Variants in ENOX1 observed in about 807,000 individuals in gnomAD.
ENOX1 encodes the protein candidate growth-related and time keeping constitutive hydroquinone (NADH) oxidase.
ENOX1 carries 42 observed loss-of-function variants against 82.5 expected under a neutral mutation model. The ratio of observed to expected loss-of-function variants is 0.51; its 90% confidence interval spans 0.40 to 0.66. ENOX1 has a LOEUF of 0.66. Ranked by LOEUF, ENOX1 falls within the 30% of genes least tolerant of loss-of-function variation. The probability of loss-of-function intolerance (pLI) is 0.00; values close to 1 mark genes in which losing one functional copy is unlikely to be tolerated. For synonymous variants in ENOX1, 271 were observed against 282.2 expected (o/e 0.96, Z 0.40); for missense variants, 608 against 811.6 (o/e 0.75, Z 3.05).
chr13:43,607,235 G>A (rs368808912), intron 2 of ENOX1, among the ~76,000 whole-genome samples: 5 of 151,564 alleles, frequency 3.3e-5, no homozygotes, highest in East Asian at 1.9e-4. Context: ...CACTTGCTAC[G>A]TAACCACAAA....
At chr13:43,351,800 C>T (rs1323593128) in intron 8 of ENOX1, among the ~76,000 whole-genome samples, 1 of 151,364 alleles carries the variant, frequency 6.6e-6, no homozygotes, top group Non-Finnish European at 1.5e-5. Flanking sequence ...TGTATATGTG[C>T]CACATTTTCT....
intron 9 of ENOX1, among the ~76,000 whole-genome samples, chr13:43,343,798 C>T (rs1016555863): frequency 6.6e-6 from 1 of 152,010 alleles, no homozygotes; most frequent in Non-Finnish European, 1.5e-5. Flanking sequence ...AAGAGAACAT[C>T]GGCAGCTGTG....
At chr13:43,302,647 A>G (rs1321087493) in intron 11 of ENOX1, among the ~76,000 whole-genome samples, 1 of 152,198 alleles carries the variant, frequency 6.6e-6, no homozygotes, top group Non-Finnish European at 1.5e-5. Flanking sequence ...GCTTAAAGGT[A>G]TTGCGGCATC....
intron 1 of ENOX1, among the ~76,000 whole-genome samples, chr13:43,784,263 A>G (rs548957385): frequency 9.2e-5 from 14 of 152,294 alleles, no homozygotes; most frequent in African/African-American, 3.4e-4. Context: ...CTACATACAA[A>G]CCCATCTAAA....
At chr13:43,408,632 A>C (rs2053938238) in intron 5 of ENOX1, among the ~76,000 whole-genome samples, 1 of 151,976 alleles carries the variant, frequency 6.6e-6, no homozygotes, top group African/African-American at 2.4e-5. Context: ...GTGGAAAAGA[A>C]ACATAGTGCT....
At chr13:43,486,016 C>T (rs1049524873) in intron 2 of ENOX1, among the ~76,000 whole-genome samples, 5 of 152,154 alleles carry the variant, frequency 3.3e-5, no homozygotes, top group Admixed American at 3.3e-4. Flanking sequence ...GGAGGCCATC[C>T]TGGCTAACAC....
chr13:43,761,347 C>T (rs61521657), intron 1 of ENOX1, among the ~76,000 whole-genome samples: 8,024 of 152,226 alleles, frequency 0.053, 210 homozygotes, highest in African/African-American at 0.076. Context: ...AAAGAAAATA[C>T]CCTCATGTTT....
intron 9 of ENOX1, among the ~76,000 whole-genome samples, chr13:43,328,582 A>G (rs1050685944): frequency 6.6e-6 from 1 of 152,166 alleles, no homozygotes; most frequent in African/African-American, 2.4e-5. Flanking sequence ...ATCTGTTCAT[A>G]AAAACGTGTA....
intron 5 of ENOX1, among the ~76,000 whole-genome samples, chr13:43,392,224 A>AT (rs1446549214): frequency 6.6e-6 from 1 of 152,202 alleles, no homozygotes; most frequent in Non-Finnish European, 1.5e-5. Flanking sequence ...AATCATTACC[A>AT]TTTCTAATGA....
intron 2 of ENOX1, among the ~76,000 whole-genome samples, chr13:43,531,408 A>G (rs12018413): frequency 0.14 from 21,460 of 151,478 alleles, 1,719 homozygotes; most frequent in Non-Finnish European, 0.19. Flanking sequence ...GGTGATCATT[A>G]AAAAGTCAGG....
At chr13:43,356,381 T>C (rs1295743139) in intron 7 of ENOX1, among the ~76,000 whole-genome samples, 1 of 152,110 alleles carries the variant, frequency 6.6e-6, no homozygotes, top group Non-Finnish European at 1.5e-5. Context: ...GAGAGCTGTC[T>C]CAGAGGGCTG....
intron 2 of ENOX1, among the ~76,000 whole-genome samples, chr13:43,646,982 G>C (rs1365898421): frequency 1.3e-5 from 2 of 152,202 alleles, no homozygotes; most frequent in Admixed American, 6.5e-5. Context: ...CAAGGAAGCA[G>C]AAGCTTCTTA....
At chr13:43,370,658 G>A (rs1308968754) in intron 5 of ENOX1, among the ~76,000 whole-genome samples, 1 of 152,172 alleles carries the variant, frequency 6.6e-6, no homozygotes, top group African/African-American at 2.4e-5. Context: ...TTTGGGTTAA[G>A]TAACTTTAGG....
At chr13:43,512,822 C>A (rs953463611) in intron 2 of ENOX1, among the ~76,000 whole-genome samples, 4 of 152,094 alleles carry the variant, frequency 2.6e-5, no homozygotes, top group African/African-American at 9.7e-5. Context: ...GATCCTGCCT[C>A]ATGAGGTCAG....
At chr13:43,406,273 G>A (rs189662931) in intron 5 of ENOX1, among the ~76,000 whole-genome samples, 144 of 152,292 alleles carry the variant, frequency 9.5e-4, no homozygotes, top group Middle Eastern at 3.4e-3. Context: ...CTATCTTGGC[G>A]TTCCATGAGA....
At chr13:43,681,608 G>A (rs529274788) in intron 1 of ENOX1, among the ~76,000 whole-genome samples, 2 of 148,798 alleles carry the variant, frequency 1.3e-5, no homozygotes, top group African/African-American at 2.6e-5. Flanking sequence ...CTCTATGTTT[G>A]GGTATGTCTT....
intron 5 of ENOX1, among the ~76,000 whole-genome samples, chr13:43,374,198 C>CTTTA (rs2051448721): frequency 6.6e-6 from 1 of 150,660 alleles, no homozygotes; most frequent in African/African-American, 2.4e-5. Flanking sequence ...CCCTCCCTCC[C>CTTTA]TTTCTTTCCT....
In ENOX1 at chr13:43,221,006, A is replaced by C. The variant is rs571787307; in HGVS notation, c.1800+3047T>G. ...TTTGTGTTTGCAGAGGTATGCTATTAGTACAGAAGTGCGAATGATTCTCCC... is the reference window on the plus strand; with the variant it reads ...TTTGTGTTTGCAGAGGTATGCTATTCGTACAGAAGTGCGAATGATTCTCCC... On this transcript the variant is annotated intron_variant, in intron 16 of 16. Coordinates refer to ENST00000690772, the MANE Select transcript of ENOX1 (RefSeq NM_001347969.2). 2.7e-3 allele frequency among the ~76,000 whole-genome samples: 412 copies of C among 152,376 alleles called. 3 individuals are homozygous for C. Among genetic ancestry groups the C allele is most frequent in the African/African-American group, 9.4e-3 (391 of 41,586 alleles).
intron 2 of ENOX1, among the ~76,000 whole-genome samples, chr13:43,577,002 A>G (rs1254645477): frequency 6.6e-6 from 1 of 152,230 alleles, no homozygotes; most frequent in Non-Finnish European, 1.5e-5. Context: ...TTTACTATGA[A>G]CCACACATTG....
Sources: gnomAD v4.1 joint callset for allele counts (sites outside exome capture counted in the v4.1 genomes callset) on GRCh38, gnomAD v4.1.1 for gene constraint, MANE v1.5 for transcripts, NCBI Gene and HGNC (gene_info 2026-07-23, HGNC 2026-07-21) for gene names.